The following LEO1 variants were observed in gnomAD, a reference collection of about 807,000 sequenced individuals.
LEO1 encodes the protein LEO1 component of Paf1/RNA polymerase II complex.
LEO1 carries 34 observed loss-of-function variants against 80.4 expected under a neutral mutation model. The observed-to-expected ratio is 0.42, with a 90% CI of 0.32 to 0.56. LEO1 has a LOEUF of 0.56. LEO1 is among the 20% of genes least tolerant of loss of function. The pLI, the probability that LEO1 is intolerant of heterozygous loss-of-function variation, is 0.10. For missense variants in LEO1, 631 were observed against 814.2 expected, an observed-to-expected ratio of 0.77 and a Z score of 2.74; for synonymous variants, 262 against 274.9, an observed-to-expected ratio of 0.95 and a Z score of 0.46.
intron 3 of LEO1, 150 bp from the exon 4 acceptor site, chr15:51,960,883 C>T: frequency 1.7e-6 from 1 of 599,204 alleles, no homozygotes; most frequent in South Asian, 2.1e-5. Flanking sequence ...AAAGACCCAA[C>T]CAGAGAGTGT....
intron 11 of LEO1, 148 bp downstream of exon 11, chr15:51,947,144 C>T: frequency 1.5e-6 from 1 of 686,868 alleles, no homozygotes; most frequent in Non-Finnish European, 2.6e-6. Context: ...CTGGATCACT[C>T]TGTCTTGTTA....
At chr15:51,948,235 CCCACACCTTG>C (rs2056918812) in intron 10 of LEO1, among the ~76,000 whole-genome samples, 1 of 152,142 alleles carries the variant, frequency 6.6e-6, no homozygotes, top group African/African-American at 2.4e-5. Flanking sequence ...TCCCTTTGTC[CCCACACCTTG>C]CCTATCTGAT....
chr15:51,962,435 C>T lies in LEO1; in HGVS notation c.873G>A (p.Ala291=), dbSNP rs984135254. ...DEVLRMKRKN[A]IASDSEADSD... ...TATCCGCTTCTGAATCAGATGCAATCGCATTCTTGCGTTTCATTCGTAAAA... is the reference window on the plus strand; with the variant it reads ...TATCCGCTTCTGAATCAGATGCAATTGCATTCTTGCGTTTCATTCGTAAAA... Residue 291 remains alanine, a synonymous_variant, in exon 3 of 12, where the codon GCG becomes GCA. Transcript: ENST00000299601. 6.2e-6 allele frequency: 10 copies of T among 1,613,678 alleles called. No individual in the cohort carries two copies. In the African/African-American group the frequency reaches 6.7e-5, roughly 11 times the overall value.
chr15:51,962,279 T>C, intron 3 of LEO1, 110 bp downstream of exon 3: 1 of 640,584 alleles, frequency 1.6e-6, no homozygotes. Context: ...CACACTCTTA[T>C]TCTGTGGGTC....
intron 1 of LEO1, among the ~76,000 whole-genome samples, chr15:51,969,267 A>AT (rs993336402): frequency 2.0e-4 from 30 of 151,708 alleles, no homozygotes; most frequent in Non-Finnish European, 3.8e-4. Flanking sequence ...CCTAAAACCA[A>AT]TTTTTTTAAA....
At chr15:51,949,552 T>G (rs562802687) in intron 10 of LEO1, among the ~76,000 whole-genome samples, 1 of 151,690 alleles carries the variant, frequency 6.6e-6, no homozygotes, top group Non-Finnish European at 1.5e-5. Context: ...ATACAAAAAT[T>G]AGCCAGGTGT....
intron 11 of LEO1, among the ~76,000 whole-genome samples, chr15:51,942,568 G>A (rs1005451220): frequency 1.6e-4 from 24 of 152,202 alleles, no homozygotes; most frequent in African/African-American, 5.3e-4. Context: ...GTTCAGCACT[G>A]TAAATGCATC....
intron 6 of LEO1, among the ~76,000 whole-genome samples, chr15:51,957,722 A>ATT (rs2057000332): frequency 2.0e-5 from 3 of 152,110 alleles, no homozygotes. Flanking sequence ...CTTTCTAACA[A>ATT]TTTAATAAGG....
chr15:51,944,836 G>A lies in LEO1; in HGVS notation c.1896+2456C>T, dbSNP rs576762081. On this transcript the variant is annotated intron_variant, in intron 11 of 11. Transcript: ENST00000299601. ...TATAAAATTTTAACTTTACAGCAAC[G>A]CTGAGAGAAAAATGAGGTTCAGAAA... Among the ~76,000 whole-genome samples the A allele has an allele frequency of 9.2e-5, 14 of 152,150 alleles. No individual in the cohort carries two copies. The South Asian group carries it at 2.7e-3, about 29-fold the overall frequency.
intron 6 of LEO1, among the ~76,000 whole-genome samples, chr15:51,956,702 C>T (rs908147644): frequency 6.6e-6 from 1 of 152,266 alleles, no homozygotes; most frequent in African/African-American, 2.4e-5. Flanking sequence ...AAACATCACT[C>T]AAGAAAATAA....
intron 11 of LEO1, among the ~76,000 whole-genome samples, chr15:51,945,935 G>A (rs2056896516): frequency 6.6e-6 from 1 of 151,888 alleles, no homozygotes; most frequent in Non-Finnish European, 1.5e-5. Context: ...TCGGGAGGCT[G>A]AGGCAGGAAA....
chr15:51,942,548 T>C (rs1488261067), intron 11 of LEO1, among the ~76,000 whole-genome samples: 1 of 152,246 alleles, frequency 6.6e-6, no homozygotes, highest in Non-Finnish European at 1.5e-5. Context: ...AGGACTCACA[T>C]TTGCCTGTTG....
In LEO1 at chr15:51,960,670, TCTC is replaced by T; in HGVS notation, c.980_982del (p.Gly327del). 1 of 1,609,724 alleles carries T rather than the reference TCTC, an allele frequency of 6.2e-7. No homozygotes were observed. Among genetic ancestry groups the T allele is most frequent in the African/African-American group, 1.3e-5 (1 of 74,974 alleles). On this transcript the variant is annotated inframe_deletion, in exon 4 of 12. Coordinates refer to ENST00000299601, the MANE Select transcript of LEO1 (RefSeq NM_138792.4). Reference sequence around the variant, plus strand: ...CTGTCCTGGAGTAGGTGGTTTGTCTTCTCCATCACTCCCTGAAGAGATATCATC... The same window carrying T: ...CTGTCCTGGAGTAGGTGGTTTGTCTTCATCACTCCCTGAAGAGATATCATC...
At chr15:51,951,729 G>A in intron 9 of LEO1, 115 bp downstream of exon 9, 1 of 857,672 alleles carries the variant, frequency 1.2e-6, no homozygotes, top group South Asian at 1.7e-5. Context: ...CCCTATTCAT[G>A]TCAGTTGGAA....
chr15:51,952,665 A>G (rs1488560040), intron 8 of LEO1, among the ~76,000 whole-genome samples: 1 of 152,202 alleles, frequency 6.6e-6, no homozygotes, highest in East Asian at 1.9e-4. Context: ...CTTGGGGGAC[A>G]CACCTCTGCA....
chr15:51,945,929 G>C (rs897290331), intron 11 of LEO1, among the ~76,000 whole-genome samples: 2 of 151,918 alleles, frequency 1.3e-5, no homozygotes, highest in African/African-American at 2.4e-5. Flanking sequence ...AGCTACTCGG[G>C]AGGCTGAGGC....
intron 11 of LEO1, among the ~76,000 whole-genome samples, chr15:51,946,427 C>G (rs1363898697): frequency 6.6e-6 from 1 of 152,104 alleles, no homozygotes; most frequent in Non-Finnish European, 1.5e-5. Context: ...AACTCCCAAC[C>G]TCAGGTGATC....
chr15:51,955,390 T>C (rs1014743373), intron 6 of LEO1, among the ~76,000 whole-genome samples: 1 of 152,090 alleles, frequency 6.6e-6, no homozygotes, highest in African/African-American at 2.4e-5. Context: ...CCTATGAAAA[T>C]GAAAACCCCA....
At chr15:51,962,559 C>A in intron 2 of LEO1, 66 bp from the exon 3 acceptor site, 2 of 1,120,196 alleles carry the variant, frequency 1.8e-6, no homozygotes, top group South Asian at 1.3e-5. Context: ...GTTTTAAAAG[C>A]AATATTGGAG....
Sources: gnomAD v4.1 joint callset for allele counts (sites outside exome capture counted in the v4.1 genomes callset) on GRCh38, gnomAD v4.1.1 for gene constraint, MANE v1.5 for transcripts, NCBI Gene and HGNC (gene_info 2026-07-23, HGNC 2026-07-21) for gene names.